The following VWDE variants were observed in gnomAD, a reference collection of about 807,000 sequenced individuals.
VWDE encodes the protein von Willebrand factor D and EGF domain-containing protein.
A neutral mutation model predicts 178.4 loss-of-function variants in VWDE; 207 were observed. That is an observed-to-expected ratio of 1.16 (90% CI 1.04 to 1.30). The LOEUF (loss-of-function observed/expected upper bound fraction) is 1.30. Ranked by LOEUF, VWDE falls within the 50% of genes most tolerant of loss-of-function variation. VWDE has a pLI of 0.00. For missense variants in VWDE, 2,287 were observed against 1,901.3 expected, an observed-to-expected ratio of 1.20 and a Z score of -3.77; for synonymous variants, 738 against 651.4, an observed-to-expected ratio of 1.13 and a Z score of -2.02.
At position 12,361,253 on chromosome 7, in the gene VWDE, T is replaced by C. The variant is rs2128553280; in HGVS notation, c.3055-2A>G. ...GAATTTATAACCATCATTAGATACC[T>C]GTAACATAATAGTTCTATAATAAGA... On this transcript the variant is annotated splice_acceptor_variant, in intron 14 of 28. Coordinates refer to ENST00000275358, the MANE Select transcript of VWDE (RefSeq NM_001135924.3). LOFTEE classifies it high-confidence loss of function. 1 of 1,540,346 alleles carries C rather than the reference T, an allele frequency of 6.5e-7. No homozygotes were observed. The highest frequency in any genetic ancestry group is 2.5e-5 in the East Asian group (1 of 40,762).
chr7:12,370,051 C>A lies in VWDE; in HGVS notation c.2255G>T (p.Arg752Leu). The A allele has an allele frequency of 6.4e-7, 1 of 1,551,482 alleles. No homozygotes were observed. Residue 752 changes from arginine to leucine, a missense_variant, in exon 12 of 29, where the codon CGG becomes CTG. Physicochemically the swap from Arg to Leu is moderately radical, Grantham distance 102 (BLOSUM62 -2). Coordinates refer to ENST00000275358, the MANE Select transcript of VWDE (RefSeq NM_001135924.3). Reference sequence around the variant, plus strand: ...AGGAGGAAACTCATGAAAGTTCTGCCGTTTCCATCTGTTTTGTCGATTGTA... The same window carrying A: ...AGGAGGAAACTCATGAAAGTTCTGCAGTTTCCATCTGTTTTGTCGATTGTA... ...MRYNRQNRWK[R>L]QNFHEFPPLF...
chr7:12,393,940 T>C (rs1225355320), intron 1 of VWDE, among the ~76,000 whole-genome samples, 162 bp from the exon 2 acceptor site: 5 of 152,204 alleles, frequency 3.3e-5, no homozygotes, highest in African/African-American at 9.7e-5. Flanking sequence ...AAGTCATAAA[T>C]GACTTAACTA....
intron 24 of VWDE, among the ~76,000 whole-genome samples, chr7:12,338,368 T>G (rs73292377): frequency 0.017 from 2,605 of 151,896 alleles, 67 homozygotes; most frequent in African/African-American, 0.059. Flanking sequence ...CTCCCTATCC[T>G]TCATACAATT....
chr7:12,342,712 A>G (rs2128546990), intron 22 of VWDE, among the ~76,000 whole-genome samples: 1 of 151,514 alleles, frequency 6.6e-6, no homozygotes, highest in South Asian at 2.1e-4. Context: ...TTCAAGTTTT[A>G]GGGTACATGT....
intron 19 of VWDE, among the ~76,000 whole-genome samples, chr7:12,347,837 C>T (rs1463526975): frequency 6.6e-6 from 1 of 152,028 alleles, no homozygotes; most frequent in Non-Finnish European, 1.5e-5. Flanking sequence ...TACAAGGCTA[C>T]AGTAACCAAA....
In VWDE at chr7:12,379,510, G is replaced by T. The variant is rs1194557697; in HGVS notation, c.846C>A (p.Ala282=). 6.5e-7 allele frequency: 1 copy of T among 1,549,876 alleles called. No individual in the cohort carries two copies. Among genetic ancestry groups the T allele is most frequent in the Non-Finnish European group, 8.7e-7 (1 of 1,145,988 alleles). Residue 282 remains alanine, a synonymous_variant, in exon 6 of 29, where the codon GCC becomes GCA. Transcript: ENST00000275358. ...CTGCAAAAAATTCTTGGCTTTCGAT[G>T]GCTACACTTTGTACATGAGGATTCT... ...FLENPHVQSV[A]IESQEFFAGF...
At chr7:12,352,624 G>C (rs1006420443) in intron 18 of VWDE, among the ~76,000 whole-genome samples, 1 of 152,142 alleles carries the variant, frequency 6.6e-6, no homozygotes, top group Non-Finnish European at 1.5e-5. Context: ...TGAATATTAG[G>C]GATGGGATAT....
intron 9 of VWDE, 149 bp from the exon 10 acceptor site, chr7:12,373,396 A>C: frequency 1.3e-6 from 1 of 788,940 alleles, no homozygotes; most frequent in Non-Finnish European, 2.0e-6. Context: ...AATCTCTCCC[A>C]CTACTCCTTT....
intron 19 of VWDE, among the ~76,000 whole-genome samples, chr7:12,347,052 T>C (rs1178318663): frequency 1.3e-5 from 2 of 152,124 alleles, no homozygotes; most frequent in African/African-American, 4.8e-5. Context: ...GCACCAAATA[T>C]AGCCCCAAAC....
At chr7:12,374,616 T>C in intron 9 of VWDE, 73 bp downstream of exon 9, 1 of 1,089,350 alleles carries the variant, frequency 9.2e-7, no homozygotes, top group East Asian at 2.7e-5. Flanking sequence ...TATAAAACAA[T>C]ACACTGTTTA....
chr7:12,343,425 C>G (rs992250250), intron 21 of VWDE, among the ~76,000 whole-genome samples: 1 of 152,054 alleles, frequency 6.6e-6, no homozygotes, highest in African/African-American at 2.4e-5. Context: ...AGGACCTTGG[C>G]CTTCTTCTGA....
At chr7:12,400,390 C>T (rs1170847651) in intron 1 of VWDE, among the ~76,000 whole-genome samples, 2 of 151,996 alleles carry the variant, frequency 1.3e-5, no homozygotes, top group African/African-American at 2.4e-5. Context: ...ATAGGGGACA[C>T]TACTGAAAAC....
intron 13 of VWDE, among the ~76,000 whole-genome samples, chr7:12,364,916 G>A (rs770077238): frequency 1.6e-4 from 25 of 152,060 alleles, no homozygotes; most frequent in Admixed American, 4.6e-4. Context: ...TACATTGCCC[G>A]TGATTAGATA....
chr7:12,368,156 C>T (rs60983130), intron 12 of VWDE, among the ~76,000 whole-genome samples: 21,640 of 149,822 alleles, frequency 0.14, 1,864 homozygotes, highest in African/African-American at 0.23. Context: ...TTATCTGTTG[C>T]TATTCTAGGT....
At chr7:12,396,511 C>T (rs1367081584) in intron 1 of VWDE, among the ~76,000 whole-genome samples, 2 of 152,102 alleles carry the variant, frequency 1.3e-5, no homozygotes, top group African/African-American at 4.8e-5. Context: ...AAGAGAAAAA[C>T]CACTTTTGAT....
At chr7:12,370,614 T>G (rs1450019458) in intron 11 of VWDE, 42 bp downstream of exon 11, 1 of 1,542,556 alleles carries the variant, frequency 6.5e-7, no homozygotes, top group African/African-American at 1.4e-5. Context: ...CCGTTTTAAG[T>G]CTAATATTAA....
At chr7:12,374,844 AAACT>A (rs1374057096) in intron 8 of VWDE, 82 bp from the exon 9 acceptor site, 1 of 1,153,356 alleles carries the variant, frequency 8.7e-7, no homozygotes, top group Non-Finnish European at 1.2e-6. Context: ...CAATCTCAAC[AAACT>A]TTCAATTAAT....
intron 16 of VWDE, 99 bp from the exon 17 acceptor site, chr7:12,357,614 G>T: frequency 7.5e-7 from 1 of 1,339,580 alleles, no homozygotes; most frequent in Non-Finnish European, 1.0e-6. Context: ...GATAAAGACT[G>T]AACTCTGCTA....
rs147978909 is a variant in VWDE at position 12,357,309 on chromosome 7, G to C, written c.3481C>G (p.Arg1161Gly). The change falls in exon 17 of 29, where the codon CGC becomes GGC. Residue 1161 changes from arginine to glycine, a missense_variant. Transcript: ENST00000275358. ...TCAGCATCGCAGTCATCATTAAGGC[G>C]TACAGTAATTTGTTGGGTAGTTAGT... Reference protein sequence around the residue: ...DLLTTQQITVRLNDDCDAETR... With the variant: ...DLLTTQQITVGLNDDCDAETR... The C allele has an allele frequency of 5.8e-6, 9 of 1,552,190 alleles. No homozygotes were observed. The African/African-American group carries it at 1.1e-4, about 19-fold the overall frequency.
Sources: gnomAD v4.1 joint callset for allele counts (sites outside exome capture counted in the v4.1 genomes callset) on GRCh38, gnomAD v4.1.1 for gene constraint, MANE v1.5 for transcripts, NCBI Gene and HGNC (gene_info 2026-07-23, HGNC 2026-07-21) for gene names.